Variants in TOX3 observed in about 807,000 individuals in gnomAD.
TOX3 encodes CAG trinucleotide repeat-containing gene F9 protein.
Under a neutral mutation model 64.3 loss-of-function variants are expected in TOX3, and 22 were observed. The ratio of observed to expected loss-of-function variants is 0.34; its 90% confidence interval spans 0.24 to 0.49. TOX3 has a LOEUF of 0.49. Ranked by LOEUF, TOX3 falls within the 20% of genes least tolerant of loss-of-function variation. The pLI is 0.99. For synonymous variants in TOX3, 291 were observed against 273.6 expected (o/e 1.06, Z -0.63); for missense variants, 661 against 714.4 (o/e 0.93, Z 0.85).
Position 52,544,150 on chromosome 16 carries a change from T to C in TOX3, c.87+2487A>G, listed in dbSNP as rs565318527. The stretch of plus-strand genomic sequence containing the variant: ...TAAGTCTTTAGAGATTAATTAATAA[T>C]GTGAGTATTTTCAAATAAAATAAAT... On this transcript the variant is annotated intron_variant, in intron 1 of 6. Coordinates refer to ENST00000219746, the MANE Select transcript of TOX3 (RefSeq NM_001080430.4). Among the ~76,000 whole-genome samples the C allele has an allele frequency of 3.9e-5, 6 of 152,344 alleles. No homozygotes were observed. The East Asian group carries it at 1.2e-3, about 29-fold the overall frequency.
rs1477205598 is a variant in TOX3 at position 52,546,650 on chromosome 16, T to C, written c.74A>G (p.Tyr25Cys). 1.9e-6 allele frequency: 3 copies of C among 1,541,048 alleles called. No individual in the cohort carries two copies. The highest frequency in any genetic ancestry group is 2.6e-6 in the Non-Finnish European group (3 of 1,146,326). ...SLDFAQCLGY[Y>C]GYSKFGNNNN... ...CAGCCCGGTCACCTTGCTGTAGCCG[T>C]AGTACCCCAGGCACTGCGCGAAGTC... The change falls in exon 1 of 7, where the codon TAC (tyrosine) becomes TGC (cysteine). Residue 25 changes from tyrosine (Y) to cysteine (C), a missense_variant. Transcript: ENST00000219746.
chr16:52,546,605 C>A (rs1351059268), intron 1 of TOX3, 32 bp downstream of exon 1: 1 of 1,524,386 alleles, frequency 6.6e-7, no homozygotes, highest in African/African-American at 1.4e-5. Context: ...AGGTGGCCCC[C>A]GCCCCCCGGC....
At chr16:52,528,790 C>T (rs766729217) in intron 1 of TOX3, among the ~76,000 whole-genome samples, 6 of 152,222 alleles carry the variant, frequency 3.9e-5, no homozygotes, top group Non-Finnish European at 7.3e-5. Flanking sequence ...CCATGAGACA[C>T]TTGAAAGCAA....
chr16:52,483,650 C>A (rs1046997282), intron 1 of TOX3, among the ~76,000 whole-genome samples: 3 of 140,096 alleles, frequency 2.1e-5, no homozygotes, highest in Non-Finnish European at 4.5e-5. Flanking sequence ...CTCACTTCAA[C>A]CTCTGCCTCC....
intron 1 of TOX3, among the ~76,000 whole-genome samples, chr16:52,530,592 C>T (rs1962829374): frequency 6.6e-6 from 1 of 152,064 alleles, no homozygotes; most frequent in Non-Finnish European, 1.5e-5. Flanking sequence ...GGTGATATGC[C>T]CTGCCTCGGC....
chr16:52,536,733 A>G lies in TOX3; in HGVS notation c.87+9904T>C, dbSNP rs59390555. ...TCACTCTATATCCATACAGCCACTG[A>G]GAATCTTATTCCCATAGTCCAATCC... On this transcript the variant is annotated intron_variant, in intron 1 of 6. Coordinates refer to ENST00000219746, the MANE Select transcript of TOX3 (RefSeq NM_001080430.4). 5.6e-3 allele frequency among the ~76,000 whole-genome samples: 814 copies of G among 144,904 alleles called. 8 individuals carry two copies. Among genetic ancestry groups the G allele is most frequent in the African/African-American group, 0.019 (734 of 38,924 alleles).
intron 1 of TOX3, among the ~76,000 whole-genome samples, chr16:52,522,997 G>T (rs1031826447): frequency 2.6e-5 from 4 of 152,174 alleles, no homozygotes; most frequent in Non-Finnish European, 4.4e-5. Context: ...CCTTCGCCAG[G>T]TTATGTTCTA....
intron 2 of TOX3, among the ~76,000 whole-genome samples, chr16:52,465,498 G>A (rs1385638026): frequency 7.2e-6 from 1 of 139,154 alleles, no homozygotes; most frequent in African/African-American, 2.7e-5. Context: ...TTGGTCAGGT[G>A]GAGGGTTTGG....
chr16:52,521,033 AT>A (rs1341187214), intron 1 of TOX3, among the ~76,000 whole-genome samples: 1 of 152,202 alleles, frequency 6.6e-6, no homozygotes, highest in African/African-American at 2.4e-5. Context: ...AATCTATTTA[AT>A]TCTAGCAAAC....
intron 3 of TOX3, among the ~76,000 whole-genome samples, chr16:52,455,558 A>T (rs964900224): frequency 2.0e-5 from 3 of 152,226 alleles, no homozygotes; most frequent in Non-Finnish European, 2.9e-5. Flanking sequence ...CATAAACAAG[A>T]TTCCAACTGT....
chr16:52,439,094 C>T lies in TOX3; in HGVS notation c.*131G>A, dbSNP rs554764987. On this transcript the variant is annotated 3_prime_UTR_variant, in exon 7 of 7. Coordinates refer to ENST00000219746, the MANE Select transcript of TOX3 (RefSeq NM_001080430.4). ...GTTCTTATTGCCTATCTAATAGACA[C>T]TTGAGAGGACCGTTTGATCTGTTAC... 9.6e-5 allele frequency: 129 copies of T among 1,337,856 alleles called. 1 individual carries two copies. The highest frequency in any genetic ancestry group is 6.6e-4 in the South Asian group (50 of 75,848). The allele number at this position is 1,337,856 out of a possible 1,614,324, so 82.9% of individuals were successfully genotyped here.
In TOX3 at chr16:52,440,371, C is replaced by A. The variant is rs957408713; in HGVS notation, c.988-403G>T. Among the ~76,000 whole-genome samples, 4 of 152,114 alleles carry A rather than the reference C, an allele frequency of 2.6e-5. No individual in the cohort carries two copies. The South Asian group carries it at 8.3e-4, about 32-fold the overall frequency. On this transcript the variant is annotated intron_variant, in intron 6 of 6. Coordinates refer to ENST00000219746, the MANE Select transcript of TOX3 (RefSeq NM_001080430.4). ...AGCCCCCTCCAACATGCAAGCTGAC[C>A]CCAGACAGAAAAGCAAGACTAGCTG... is the stretch of plus-strand genomic sequence containing the variant.
At chr16:52,508,380 C>T (rs1337314515) in intron 1 of TOX3, among the ~76,000 whole-genome samples, 1 of 152,052 alleles carries the variant, frequency 6.6e-6, no homozygotes, top group Non-Finnish European at 1.5e-5. Context: ...GTTTGCAGGA[C>T]CCGCCCATGA....
At chr16:52,537,897 A>AAAAG (rs1362698200) in intron 1 of TOX3, among the ~76,000 whole-genome samples, 3 of 136,086 alleles carry the variant, frequency 2.2e-5, no homozygotes, top group Non-Finnish European at 3.2e-5. Flanking sequence ...AAAAAAAAAA[A>AAAAG]AAAGAAAGAA....
chr16:52,454,774 G>A (rs1344498840), intron 3 of TOX3, among the ~76,000 whole-genome samples: 1 of 152,152 alleles, frequency 6.6e-6, no homozygotes, highest in South Asian at 2.1e-4. Context: ...TTATATCTTT[G>A]AGAACCAGGA....
intron 1 of TOX3, among the ~76,000 whole-genome samples, chr16:52,541,089 G>C (rs960427183): frequency 6.6e-6 from 1 of 152,022 alleles, no homozygotes; most frequent in Non-Finnish European, 1.5e-5. Flanking sequence ...CCTTAGCATT[G>C]CCTGGGAGCC....
chr16:52,440,613 A>C (rs1033118904), intron 6 of TOX3, among the ~76,000 whole-genome samples: 3 of 152,192 alleles, frequency 2.0e-5, no homozygotes, highest in Admixed American at 1.3e-4. Context: ...ATATGTTTAA[A>C]GACAACAGAG....
chr16:52,465,084 G>T lies in TOX3; in HGVS notation c.154-896C>A, dbSNP rs1467153765. On this transcript the variant is annotated intron_variant, in intron 2 of 6. Transcript: ENST00000219746. Reference sequence around the variant, plus strand: ...GGCTGGAGGGCAGTGGTGCCATCTCGGCTCACTGCAAGCTCCGCCTCCCGG... The same window carrying T: ...GGCTGGAGGGCAGTGGTGCCATCTCTGCTCACTGCAAGCTCCGCCTCCCGG... Among the ~76,000 whole-genome samples, 6 of 126,984 alleles carry T rather than the reference G, an allele frequency of 4.7e-5. No individual in the cohort carries two copies. In the East Asian group the frequency reaches 1.4e-3, roughly 30 times the overall value. The allele number at this position is 126,984 out of a possible 152,430, so 83.3% of individuals were successfully genotyped here. A position where few individuals can be genotyped will look rare whatever the true frequency, so the allele number is the denominator to read the frequency against.
intron 1 of TOX3, chr16:52,519,575 C>T: frequency 6.9e-7 from 1 of 1,457,074 alleles, no homozygotes; most frequent in South Asian, 1.4e-5. Flanking sequence ...AGAAATGCAT[C>T]CTAGCTGAGC....
Sources: gnomAD v4.1 joint callset for allele counts (sites outside exome capture counted in the v4.1 genomes callset) on GRCh38, gnomAD v4.1.1 for gene constraint, MANE v1.5 for transcripts, NCBI Gene and HGNC (gene_info 2026-07-23, HGNC 2026-07-21) for gene names.